The following CIP2A variants were observed in gnomAD, a reference collection of about 807,000 sequenced individuals.
CIP2A encodes the protein protein CIP2A.
CIP2A carries 103 observed loss-of-function variants against 110.9 expected under a neutral mutation model. The observed-to-expected ratio is 0.93, with a 90% CI of 0.79 to 1.09. The LOEUF (loss-of-function observed/expected upper bound fraction) is 1.09. Ranked by LOEUF, CIP2A falls within the 50% of genes least tolerant of loss-of-function variation. The pLI, the probability that CIP2A is intolerant of heterozygous loss-of-function variation, is 0.00. For missense variants in CIP2A, 1,088 were observed against 1,038.4 expected (o/e 1.05, Z -0.66); for synonymous variants, 381 against 361.6 (o/e 1.05, Z -0.61).
Position 108,585,153 on chromosome 3 carries a change from T to C in CIP2A, c.162A>G (p.Glu54=). 1 of 1,613,498 alleles carries C rather than the reference T, an allele frequency of 6.2e-7. No individual in the cohort carries two copies. Among genetic ancestry groups the C allele is most frequent in the African/African-American group, 1.3e-5 (1 of 75,040 alleles). ...GTAGCTCTACAAGGCAACTCAAGCATTCACTTGTTAATATCTGATTTGATG... is the reference window on the plus strand; with the variant it reads ...GTAGCTCTACAAGGCAACTCAAGCACTCACTTGTTAATATCTGATTTGATG... ...LFTSNQILTS[E]CLSCLVELLE... The change falls in exon 2 of 21, where the codon GAA becomes GAG. Residue 54 remains glutamate, a synonymous_variant. Transcript: ENST00000295746.
At chr3:108,575,329 C>CATGTACACACAT (rs1559698685) in intron 8 of CIP2A, among the ~76,000 whole-genome samples, 2 of 149,362 alleles carry the variant, frequency 1.3e-5, no homozygotes, top group Non-Finnish European at 3.0e-5. Context: ...TGTACACACA[C>CATGTACACACAT]GTGTATATAT....
At chr3:108,568,101 AAAAAAAAGAATGGTTAGTTAT>A in intron 10 of CIP2A, 33 bp downstream of exon 10, 1 of 1,315,394 alleles carries the variant, frequency 7.6e-7, no homozygotes, top group Non-Finnish European at 1.0e-6. Flanking sequence ...GCAATACTAG[AAAAAAAAGAATGGTTAGTTAT>A]ACAGTTTTCA....
chr3:108,560,180 C>T (rs1302485160), intron 14 of CIP2A, 152 bp from the exon 15 acceptor site: 8 of 467,654 alleles, frequency 1.7e-5, no homozygotes, highest in South Asian at 5.8e-5. Context: ...ACAAATATTT[C>T]TTTTTTTTTT....
intron 6 of CIP2A, 32 bp from the exon 7 acceptor site, chr3:108,579,458 C>A (rs1419817988): frequency 6.4e-7 from 1 of 1,574,330 alleles, no homozygotes; most frequent in Non-Finnish European, 8.6e-7. Flanking sequence ...GCATATTAGA[C>A]AAAAAATTAA....
In CIP2A at chr3:108,568,241, T is replaced by C; in HGVS notation, c.1187A>G (p.Gln396Arg). ...TAGATTTTGTTCTGTGAACTGAAGTTGATCAAGGATTGTAGGCAGCAGAAG... is the reference window on the plus strand; with the variant it reads ...TAGATTTTGTTCTGTGAACTGAAGTCGATCAAGGATTGTAGGCAGCAGAAG... Reference protein sequence around the residue: ...VTLLLPTILDQLQFTEQNLDE... With the variant: ...VTLLLPTILDRLQFTEQNLDE... The change falls in exon 10 of 21, where the codon CAA (glutamine) becomes CGA (arginine). Residue 396 changes from glutamine (Q) to arginine (R), a missense_variant. Gln to Arg is a conservative substitution (Grantham distance 43). Coordinates refer to ENST00000295746, the MANE Select transcript of CIP2A (RefSeq NM_020890.3). 6.2e-7 allele frequency: 1 copy of C among 1,612,406 alleles called. No individual in the cohort carries two copies. The highest frequency in any genetic ancestry group is 8.5e-7 in the Non-Finnish European group (1 of 1,178,826).
At chr3:108,589,176 C>T in intron 1 of CIP2A, 98 bp downstream of exon 1, 1 of 852,464 alleles carries the variant, frequency 1.2e-6, no homozygotes, top group Non-Finnish European at 1.9e-6. Context: ...AAGGACTGTC[C>T]TTTCTTTCCC....
chr3:108,563,941 CATTTCAG>C (rs1198324189), intron 12 of CIP2A, among the ~76,000 whole-genome samples: 3 of 151,960 alleles, frequency 2.0e-5, no homozygotes, highest in Admixed American at 6.6e-5. Flanking sequence ...TTTTTTGGAG[CATTTCAG>C]ATTTCAGATT....
rs964747277 is a variant in CIP2A, at chr3:108,550,063, TCAAA to T, written c.*1082_*1085del. On this transcript the variant is annotated 3_prime_UTR_variant, in exon 21 of 21. Coordinates refer to ENST00000295746, the MANE Select transcript of CIP2A (RefSeq NM_020890.3). ...CTGTACAAATCTAAATTCACTTAAA[TCAAA>T]CAGACATATGGTGAAGAAAACACCA... 3.3e-5 allele frequency: 5 copies of T among 151,888 alleles called. No individual in the cohort carries two copies. The highest frequency in any genetic ancestry group is 1.2e-4 in the African/African-American group (5 of 41,428). The allele number at this position is 151,888 out of a possible 1,614,324, so 9.4% of individuals were successfully genotyped here.
rs188151507 is a variant in CIP2A at position 108,587,655 on chromosome 3, T to C, written c.102+1619A>G. 5.4e-3 allele frequency among the ~76,000 whole-genome samples: 822 copies of C among 152,336 alleles called. 25 individuals carry two copies. The highest frequency in any genetic ancestry group is 0.044 in the Admixed American group (673 of 15,304). On this transcript the variant is annotated intron_variant, in intron 1 of 20. Transcript: ENST00000295746. The stretch of plus-strand genomic sequence containing the variant: ...TATCTCTTAATTACAAAAAGTCCTT[T>C]TTAGTAGTAACCTGAAGCCAGTGCT...
rs1364310667 is a variant in CIP2A at position 108,557,264 on chromosome 3, C to T, written c.2164G>A (p.Glu722Lys). ...GATTTTGTCAGTATTTCATGTTCTT[C>T]AGCCACAGACTCTAACTTCCTATTA... is the stretch of plus-strand genomic sequence containing the variant. The part of the protein sequence containing the change: ...QHNRKLESVA[E>K]EHEILTKSYM... Residue 722 changes from glutamate to lysine, a missense_variant, in exon 17 of 21, where the codon GAA becomes AAA. Transcript: ENST00000295746. The T allele has an allele frequency of 1.2e-6, 2 of 1,605,644 alleles. No homozygotes were observed. Among genetic ancestry groups the T allele is most frequent in the East Asian group, 4.5e-5 (2 of 44,818 alleles).
In CIP2A at chr3:108,585,060, A is replaced by G; in HGVS notation, c.250+5T>C. On this transcript the variant is annotated splice_donor_5th_base_variant and intron_variant, in intron 2 of 20. Transcript: ENST00000295746. ...AAACTAAAAAGGAGAAATTAAATGC[A>G]TTACCTAGTTGAGACAGCAAACCGA... 1 of 1,601,682 alleles carries G rather than the reference A, an allele frequency of 6.2e-7. No individual in the cohort carries two copies. The highest frequency in any genetic ancestry group is 8.5e-7 in the Non-Finnish European group (1 of 1,175,096).
Position 108,575,530 on chromosome 3 carries a change from GTATA to G in CIP2A, c.894+737_894+740del, listed in dbSNP as rs1225058903. ...TATATATACACATACATATATACAC[GTATA>G]TATACTCATATACATGTGTATATAT... On this transcript the variant is annotated intron_variant, in intron 8 of 20. Transcript: ENST00000295746. 2.4e-3 allele frequency among the ~76,000 whole-genome samples: 352 copies of G among 146,590 alleles called. 27 individuals carry two copies. Among genetic ancestry groups the G allele is most frequent in the African/African-American group, 8.6e-3 (322 of 37,616 alleles).
rs1186211063 is a variant in CIP2A at position 108,581,407 on chromosome 3, C to T, written c.549+8G>A. On this transcript the variant is annotated splice_region_variant and intron_variant, in intron 5 of 20. Coordinates refer to ENST00000295746, the MANE Select transcript of CIP2A (RefSeq NM_020890.3). Reference sequence around the variant, plus strand: ...ACAAGAAACATTAAAAAGAAATAAACTTCTTACCAATGTCTTTATGTGCGT... The same window carrying T: ...ACAAGAAACATTAAAAAGAAATAAATTTCTTACCAATGTCTTTATGTGCGT... The T allele has an allele frequency of 5.7e-6, 9 of 1,579,738 alleles. No homozygotes were observed. Among genetic ancestry groups the T allele is most frequent in the Non-Finnish European group, 7.0e-6 (8 of 1,151,012 alleles).
At chr3:108,563,037 T>A in intron 13 of CIP2A, 89 bp downstream of exon 13, 2 of 731,778 alleles carry the variant, frequency 2.7e-6, no homozygotes, top group Non-Finnish European at 2.4e-6. Flanking sequence ...AATTCACTAA[T>A]TTGCTTGTGT....
intron 10 of CIP2A, 84 bp downstream of exon 10, chr3:108,568,070 TA>T: frequency 9.7e-7 from 1 of 1,035,558 alleles, no homozygotes; most frequent in Admixed American, 2.6e-5. Context: ...AAATTACAAA[TA>T]AAGACAAAAT....
intron 1 of CIP2A, among the ~76,000 whole-genome samples, chr3:108,587,486 G>A (rs1244176545): frequency 6.6e-6 from 1 of 152,124 alleles, no homozygotes. Flanking sequence ...ACCCTATGGG[G>A]CTAGAAATGT....
chr3:108,576,210 T>C, intron 8 of CIP2A, 61 bp downstream of exon 8: 1 of 1,074,580 alleles, frequency 9.3e-7, no homozygotes. Context: ...TGCAGTTTTT[T>C]AAAAGTTTCG....
chr3:108,563,978 A>G (rs1190242782), intron 12 of CIP2A, among the ~76,000 whole-genome samples: 1 of 151,690 alleles, frequency 6.6e-6, no homozygotes, highest in Non-Finnish European at 1.5e-5. Context: ...GGGATGCTCA[A>G]CCTGTATTAT....
At position 108,575,800 on chromosome 3, in the gene CIP2A, G is replaced by A. The variant is rs796155998; in HGVS notation, c.894+471C>T. Reference sequence around the variant, plus strand: ...TACTCATATACATGTGTATATATACGTGTATATATACTCATATACATGTGT... The same window carrying A: ...TACTCATATACATGTGTATATATACATGTATATATACTCATATACATGTGT... On this transcript the variant is annotated intron_variant, in intron 8 of 20. Transcript: ENST00000295746. Among the ~76,000 whole-genome samples the A allele has an allele frequency of 9.4e-5, 2 of 21,290 alleles. 1 individual carries two copies. The highest frequency in any genetic ancestry group is 3.4e-4 in the Non-Finnish European group (2 of 5,962). The allele number at this position is 21,290 out of a possible 152,430, so 14.0% of individuals were successfully genotyped here.
Sources: gnomAD v4.1 joint callset for allele counts (sites outside exome capture counted in the v4.1 genomes callset) on GRCh38, gnomAD v4.1.1 for gene constraint, MANE v1.5 for transcripts, NCBI Gene and HGNC (gene_info 2026-07-23, HGNC 2026-07-21) for gene names.